Variants in ZNF827 observed in about 807,000 individuals in gnomAD.
ZNF827 encodes the protein zinc finger protein 827.
In ZNF827, 13 loss-of-function variants were observed where a neutral mutation model predicts 102.4. That is an observed-to-expected ratio of 0.13 (90% CI 0.08 to 0.20). The LOEUF is 0.20. Among genes scored for constraint, ZNF827 ranks in the 10% least tolerant of loss-of-function variants. ZNF827 has a pLI of 1.00. For missense variants in ZNF827, 1,103 were observed against 1,344.4 expected (o/e 0.82, Z 2.81); for synonymous variants, 523 against 536.2 (o/e 0.98, Z 0.34).
intron 5 of ZNF827, among the ~76,000 whole-genome samples, chr4:145,856,949 C>A (rs1042750140): frequency 4.7e-5 from 7 of 148,800 alleles, no homozygotes; most frequent in African/African-American, 1.7e-4. Flanking sequence ...CTGTATGCCT[C>A]CTCCTTCTTT....
chr4:145,811,890 GA>G (rs1013876097), intron 8 of ZNF827, among the ~76,000 whole-genome samples: 1 of 151,226 alleles, frequency 6.6e-6, no homozygotes, highest in Non-Finnish European at 1.5e-5. Flanking sequence ...TCAGAGATGG[GA>G]AAAAAATTCT....
At chr4:145,853,799 C>A (rs1746779109) in intron 5 of ZNF827, among the ~76,000 whole-genome samples, 1 of 151,950 alleles carries the variant, frequency 6.6e-6, no homozygotes, top group East Asian at 1.9e-4. Flanking sequence ...AACCCTATAT[C>A]ATAAAAAAGT....
Position 145,882,678 on chromosome 4 carries a change from T to A in ZNF827, c.1747+3000A>T, listed in dbSNP as rs1165068816. On this transcript the variant is annotated intron_variant, in intron 4 of 14. Transcript: ENST00000508784. ...AAGAAAGCATCAAGTGTTTTCTCTC[T>A]TTTGGAAACAAGTAGGTGTCTGCAC... Among the ~76,000 whole-genome samples, 8 of 152,352 alleles carry A rather than the reference T, an allele frequency of 5.3e-5. No homozygotes were observed. In the East Asian group the frequency reaches 1.5e-3, roughly 29 times the overall value.
chr4:145,857,700 C>T (rs1395146261), intron 5 of ZNF827, among the ~76,000 whole-genome samples: 1 of 152,144 alleles, frequency 6.6e-6, no homozygotes, highest in South Asian at 2.1e-4. Flanking sequence ...TTAGCTTTGG[C>T]AGCCCAGCAG....
intron 10 of ZNF827, 98 bp from the exon 11 acceptor site, chr4:145,774,770 T>C: frequency 7.4e-7 from 1 of 1,346,388 alleles, no homozygotes. Context: ...TCAAGAAAAC[T>C]GGAATTTGAA....
At chr4:145,868,868 T>C (rs1161412387) in intron 5 of ZNF827, among the ~76,000 whole-genome samples, 5 of 152,186 alleles carry the variant, frequency 3.3e-5, no homozygotes, top group Non-Finnish European at 7.3e-5. Context: ...GTGTATGCTA[T>C]GGGGGAAGAA....
chr4:145,791,061 GACA>G (rs1015925987), intron 8 of ZNF827, among the ~76,000 whole-genome samples: 6 of 152,188 alleles, frequency 3.9e-5, no homozygotes, highest in African/African-American at 1.4e-4. Flanking sequence ...GGGAATCACA[GACA>G]CAGGACTGGG....
At chr4:145,885,642 GAGAGAGAGA>G in intron 4 of ZNF827, 27 bp downstream of exon 4, 1 of 1,500,290 alleles carries the variant, frequency 6.7e-7, no homozygotes, top group Non-Finnish European at 8.9e-7. Flanking sequence ...GAGAGAGAGA[GAGAGAGAGA>G]GAGAGAATAC....
chr4:145,858,128 T>C (rs1281225035), intron 5 of ZNF827, among the ~76,000 whole-genome samples: 1 of 99,068 alleles, frequency 1.0e-5, no homozygotes, highest in African/African-American at 4.4e-5. Context: ...TGTGTGTGCA[T>C]GTGTGAGTGT....
At chr4:145,932,726 G>C (rs1052495076) in intron 1 of ZNF827, among the ~76,000 whole-genome samples, 1 of 152,052 alleles carries the variant, frequency 6.6e-6, no homozygotes, top group Non-Finnish European at 1.5e-5. Context: ...CACCCGCCTC[G>C]GCCTCCCAAA....
chr4:145,781,468 G>A (rs996358412), intron 8 of ZNF827, among the ~76,000 whole-genome samples: 10 of 152,116 alleles, frequency 6.6e-5, no homozygotes, highest in East Asian at 1.9e-4. Flanking sequence ...AATAATGTTC[G>A]CTGTGAGGCA....
intron 9 of ZNF827, among the ~76,000 whole-genome samples, chr4:145,778,643 T>C (rs10034576): frequency 0.96 from 146,017 of 152,252 alleles, 70,082 homozygotes; most frequent in African/African-American, 0.99. Flanking sequence ...TAATCTTGTC[T>C]TATTAATACT....
At chr4:145,764,205 C>T (rs925528266) in intron 13 of ZNF827, among the ~76,000 whole-genome samples, 4 of 152,196 alleles carry the variant, frequency 2.6e-5, no homozygotes, top group Admixed American at 6.5e-5. Flanking sequence ...TGTCCTCCTA[C>T]CTGTGCTGCT....
chr4:145,784,476 C>T (rs1738557114), intron 8 of ZNF827, among the ~76,000 whole-genome samples: 1 of 152,166 alleles, frequency 6.6e-6, no homozygotes, highest in South Asian at 2.1e-4. Flanking sequence ...AATCCCCCAT[C>T]CTGTGAAGAA....
chr4:145,860,603 T>C (rs1266378359), intron 5 of ZNF827, among the ~76,000 whole-genome samples: 1 of 152,170 alleles, frequency 6.6e-6, no homozygotes, highest in Non-Finnish European at 1.5e-5. Flanking sequence ...GATACAAGCA[T>C]ATGGCAAGCC....
chr4:145,814,864 C>T (rs1238456257), intron 8 of ZNF827, among the ~76,000 whole-genome samples: 1 of 151,984 alleles, frequency 6.6e-6, no homozygotes, highest in Non-Finnish European at 1.5e-5. Context: ...TTCCTTGAAC[C>T]TGGGAGGTGG....
chr4:145,764,293 A>T (rs1331590078), intron 13 of ZNF827, among the ~76,000 whole-genome samples: 1 of 152,196 alleles, frequency 6.6e-6, no homozygotes, highest in Non-Finnish European at 1.5e-5. Context: ...ACTAGGACAT[A>T]CATTTCTTGA....
rs1343817897 is a variant in ZNF827, at chr4:145,844,687, A to AATAC, written c.2279+1268_2279+1269insGTAT. On this transcript the variant is annotated intron_variant, in intron 7 of 14. Transcript: ENST00000508784. ...AGAGTGAGACTGTCTCAAATAAATAAATAAATAAATAAATAAATAAATAAA... is the reference window on the plus strand; with the variant it reads ...AGAGTGAGACTGTCTCAAATAAATAAATACATAAATAAATAAATAAATAAATAAA... Among the ~76,000 whole-genome samples the AATAC allele has an allele frequency of 3.4e-5, 3 of 88,016 alleles. No homozygotes were observed. The East Asian group carries it at 3.1e-3, about 92-fold the overall frequency. 57.7% of individuals were successfully genotyped at this position (88,016 alleles called of 152,430 possible). A position where few individuals can be genotyped will look rare whatever the true frequency, so the allele number is the denominator to read the frequency against.
intron 2 of ZNF827, among the ~76,000 whole-genome samples, chr4:145,895,917 T>A (rs1561052479): frequency 6.6e-6 from 1 of 152,236 alleles, no homozygotes; most frequent in Non-Finnish European, 1.5e-5. Flanking sequence ...TTACCTAGTT[T>A]ACAACTGCCT....
Sources: allele counts gnomAD v4.1 joint callset (sites outside exome capture counted in the v4.1 genomes callset), GRCh38; gene constraint gnomAD v4.1.1; transcripts MANE v1.5; gene names NCBI Gene and HGNC (gene_info 2026-07-23, HGNC 2026-07-21).